Variants in EHBP1 observed in about 807,000 individuals in gnomAD.
The protein encoded by EHBP1 is EH domain-binding protein 1.
Under a neutral mutation model 144.0 loss-of-function variants are expected in EHBP1, and 55 were observed. The observed-to-expected ratio is 0.38, with a 90% CI of 0.31 to 0.48. The LOEUF is 0.48. EHBP1 is among the 20% of genes least tolerant of loss of function. The pLI, the probability that EHBP1 is intolerant of heterozygous loss-of-function variation, is 0.98. For synonymous variants in EHBP1, 469 were observed against 472.7 expected, an observed-to-expected ratio of 0.99 and a Z score of 0.10; for missense variants, 1,200 against 1,364.2, an observed-to-expected ratio of 0.88 and a Z score of 1.90.
intron 10 of EHBP1, among the ~76,000 whole-genome samples, chr2:62,888,998 A>C (rs1259222181): frequency 6.8e-6 from 1 of 146,650 alleles, no homozygotes; most frequent in African/African-American, 2.5e-5. Flanking sequence ...CAAACTTGGC[A>C]CTTAAACAAA....
At chr2:62,848,440 C>G (rs2048451121) in intron 7 of EHBP1, among the ~76,000 whole-genome samples, 1 of 152,004 alleles carries the variant, frequency 6.6e-6, no homozygotes, top group Admixed American at 6.6e-5. Context: ...ATTTATTTAC[C>G]CCAAATAAAT....
At chr2:62,742,194 A>G (rs2038775248) in intron 2 of EHBP1, among the ~76,000 whole-genome samples, 1 of 152,118 alleles carries the variant, frequency 6.6e-6, no homozygotes. Context: ...GAATTGCCTA[A>G]TGATGCATTT....
chr2:62,900,801 T>A (rs2053355198), intron 10 of EHBP1, among the ~76,000 whole-genome samples: 1 of 151,888 alleles, frequency 6.6e-6, no homozygotes, highest in Admixed American at 6.6e-5. Context: ...ATGTTATCAG[T>A]TTGTTTATAT....
intron 1 of EHBP1, among the ~76,000 whole-genome samples, chr2:62,695,885 G>T (rs929647478): frequency 2.0e-5 from 3 of 151,846 alleles, no homozygotes; most frequent in Non-Finnish European, 2.9e-5. Flanking sequence ...GCTAATTTTT[G>T]TATTTTTTGT....
intron 5 of EHBP1, among the ~76,000 whole-genome samples, chr2:62,792,746 G>A (rs919536908): frequency 2.0e-5 from 3 of 151,950 alleles, no homozygotes; most frequent in African/African-American, 4.8e-5. Flanking sequence ...CAATAAATGG[G>A]TGTGTATCCA....
intron 9 of EHBP1, 118 bp downstream of exon 9, chr2:62,865,089 A>G: frequency 2.6e-6 from 3 of 1,151,604 alleles, no homozygotes; most frequent in Non-Finnish European, 3.7e-6. Context: ...ATAAGTCAGT[A>G]TCTAACTCGT....
chr2:63,045,230 C>T lies in EHBP1; in HGVS notation c.3392+50C>T, dbSNP rs959887975. The T allele has an allele frequency of 6.6e-7, 1 of 1,512,814 alleles. No individual in the cohort carries two copies. Among genetic ancestry groups the T allele is most frequent in the Non-Finnish European group, 9.0e-7 (1 of 1,110,952 alleles). The allele number at this position is 1,512,814 out of a possible 1,614,324, so 93.7% of individuals were successfully genotyped here. A position where few individuals can be genotyped will look rare whatever the true frequency, so the allele number is the denominator to read the frequency against. On this transcript the variant is annotated intron_variant, in intron 22 of 22. Coordinates refer to ENST00000431489, the MANE Select transcript of EHBP1 (RefSeq NM_001142616.3). This position sits in a 1 kb window ranked among gnomAD's most constrained non-coding sequence, Gnocchi z 5.7. ...GAGGCTGGGCCACCTGCCGAGGGGC[C>T]GAGAAGTGTGCGGAAAGTTCAATCC...
At chr2:62,946,178 TTTTACC>T (rs2057053893) in intron 12 of EHBP1, among the ~76,000 whole-genome samples, 1 of 152,220 alleles carries the variant, frequency 6.6e-6, no homozygotes, top group Non-Finnish European at 1.5e-5. Flanking sequence ...ATATTGTTGA[TTTTACC>T]TCATTATAAA....
rs1057188991 is a variant in EHBP1 at position 62,955,791 on chromosome 2, C to A, written c.2460+131C>A. ...ACATTGTGAATACTTGGTGCACTTA[C>A]TGAACTGATAAAGATAAATTCATAC... On this transcript the variant is annotated intron_variant, in intron 14 of 22. Transcript: ENST00000431489. 93 of 918,728 alleles carry A rather than the reference C, an allele frequency of 1.0e-4. No individual in the cohort carries two copies. The African/African-American group carries it at 1.4e-3, about 14-fold the overall frequency. The allele number at this position is 918,728 out of a possible 1,614,324, so 56.9% of individuals were successfully genotyped here.
chr2:62,745,537 T>C (rs1393908806), intron 2 of EHBP1, among the ~76,000 whole-genome samples: 1 of 151,906 alleles, frequency 6.6e-6, no homozygotes, highest in African/African-American at 2.4e-5. Flanking sequence ...ATTGCAAAGA[T>C]GTGAAGAAAT....
chr2:63,045,262 C>A lies in EHBP1; in HGVS notation c.3392+82C>A. 7.0e-7 allele frequency: 1 copy of A among 1,429,752 alleles called. No homozygotes were observed. 88.6% of individuals were successfully genotyped at this position (1,429,752 alleles called of 1,614,324 possible). On this transcript the variant is annotated intron_variant, in intron 22 of 22. Coordinates refer to ENST00000431489, the MANE Select transcript of EHBP1 (RefSeq NM_001142616.3). This position sits in a 1 kb window ranked among gnomAD's most constrained non-coding sequence, Gnocchi z 5.7. The stretch of plus-strand genomic sequence containing the variant: ...TGTGCGGAAAGTTCAATCCAGAGGT[C>A]GCGGGAGGGCCGGGGCAGCCTCCCA...
At chr2:62,729,157 A>G (rs1193548490) in intron 2 of EHBP1, among the ~76,000 whole-genome samples, 1 of 149,400 alleles carries the variant, frequency 6.7e-6, no homozygotes, top group Non-Finnish European at 1.5e-5. Context: ...TATTCTGGAA[A>G]TCATTCCATA....
At chr2:62,980,198 A>G (rs915611946) in intron 15 of EHBP1, among the ~76,000 whole-genome samples, 2 of 152,164 alleles carry the variant, frequency 1.3e-5, no homozygotes, top group Non-Finnish European at 2.9e-5. Flanking sequence ...CAGGAGGGTA[A>G]GGAGGGATAG....
chr2:63,032,611 A>G (rs192721399), intron 19 of EHBP1, among the ~76,000 whole-genome samples: 77 of 151,160 alleles, frequency 5.1e-4, no homozygotes, highest in Non-Finnish European at 9.0e-4. Flanking sequence ...AGACCCCATT[A>G]AGGAGTAAGG....
chr2:62,687,326 G>A (rs1034229453), intron 1 of EHBP1, among the ~76,000 whole-genome samples: 32 of 152,114 alleles, frequency 2.1e-4, no homozygotes, highest in Admixed American at 1.5e-3. Flanking sequence ...GAAAACCTTC[G>A]TTTTGAATAT....
intron 2 of EHBP1, among the ~76,000 whole-genome samples, chr2:62,741,220 G>A (rs1206552788): frequency 6.6e-6 from 1 of 152,122 alleles, no homozygotes; most frequent in East Asian, 1.9e-4. Context: ...CCCTTCTCAT[G>A]TTCTAGAGGT....
intron 7 of EHBP1, among the ~76,000 whole-genome samples, chr2:62,836,059 A>G (rs1424897521): frequency 6.6e-6 from 1 of 152,204 alleles, no homozygotes; most frequent in African/African-American, 2.4e-5. Flanking sequence ...AAACAAAAAG[A>G]CAGCAGTATC....
chr2:62,888,484 A>T (rs1462447422), intron 10 of EHBP1, among the ~76,000 whole-genome samples: 2 of 152,260 alleles, frequency 1.3e-5, no homozygotes, highest in South Asian at 2.1e-4. Context: ...ATCGTGAAGT[A>T]ACTGAATTAA....
intron 14 of EHBP1, among the ~76,000 whole-genome samples, chr2:62,975,260 A>C (rs2058660879): frequency 6.6e-6 from 1 of 152,180 alleles, no homozygotes; most frequent in African/African-American, 2.4e-5. Flanking sequence ...CTTAGGCAGA[A>C]AGGGTATGGC....
Sources: allele counts gnomAD v4.1 joint callset (sites outside exome capture counted in the v4.1 genomes callset), GRCh38; gene constraint gnomAD v4.1.1; non-coding constraint Gnocchi (gnomAD v3.1); transcripts MANE v1.5; gene names NCBI Gene and HGNC (gene_info 2026-07-23, HGNC 2026-07-21).